The following IRAK1BP1 variants were observed in gnomAD, a reference collection of about 807,000 sequenced individuals.
IRAK1BP1 encodes the protein interleukin 1 receptor associated kinase 1 binding protein 1.
A neutral mutation model predicts 28.0 loss-of-function variants in IRAK1BP1; 24 were observed. That is an observed-to-expected ratio of 0.86 (90% CI 0.62 to 1.20). The LOEUF (loss-of-function observed/expected upper bound fraction) is 1.20, where lower values mean the gene tolerates loss of function less well. Among genes scored for constraint, IRAK1BP1 ranks in the 50% most tolerant of loss-of-function variants. The pLI, the probability that IRAK1BP1 is intolerant of heterozygous loss-of-function variation, is 0.00. For missense variants in IRAK1BP1, 336 were observed against 316.7 expected (o/e 1.06, Z -0.46); for synonymous variants, 131 against 116.3 (o/e 1.13, Z -0.81).
intron 2 of IRAK1BP1, among the ~76,000 whole-genome samples, chr6:78,891,477 T>C (rs984743522): frequency 1.5e-4 from 23 of 151,912 alleles, no homozygotes; most frequent in Non-Finnish European, 2.5e-4. Context: ...TTTTTTTTTT[T>C]TGAGACGAAG....
the IRAK1BP1 span, among the ~76,000 whole-genome samples, chr6:78,975,199 G>A: frequency 2.6e-5 from 4 of 151,786 alleles, no homozygotes; most frequent in Admixed American, 2.6e-4. Flanking sequence ...TTCATCCCTG[G>A]GATGCAAGGC....
the IRAK1BP1 span, among the ~76,000 whole-genome samples, chr6:78,952,417 CAAAAAAAAAAGAAAAAAAAAAAAGA>C: frequency 1.7e-5 from 1 of 59,886 alleles, no homozygotes. Context: ...GACTCTGTCC[CAAAAAAAAAAGAAAAAAAAAAAAGA>C]AAAAAAAAAA....
intron 4 of IRAK1BP1, among the ~76,000 whole-genome samples, chr6:78,933,280 A>T (rs1335699578): frequency 6.6e-6 from 1 of 152,218 alleles, no homozygotes; most frequent in Non-Finnish European, 1.5e-5. Context: ...CTTCTTCATC[A>T]GCACCCCCTT....
chr6:78,895,260 AGAAATT>A (rs1282735078), intron 2 of IRAK1BP1, among the ~76,000 whole-genome samples: 7 of 152,346 alleles, frequency 4.6e-5, no homozygotes, highest in African/African-American at 1.4e-4. Flanking sequence ...GTGTCAAAGA[AGAAATT>A]GAAAAGGAAA....
intron 4 of IRAK1BP1, among the ~76,000 whole-genome samples, chr6:78,930,050 T>C (rs1250577000): frequency 6.6e-6 from 1 of 152,088 alleles, no homozygotes; most frequent in African/African-American, 2.4e-5. Flanking sequence ...ATTCCTCCTA[T>C]GTGAGCCTCC....
Position 78,898,173 on chromosome 6 carries a change from A to G in IRAK1BP1, c.622A>G (p.Thr208Ala). 6.2e-7 allele frequency: 1 copy of G among 1,613,866 alleles called. No individual in the cohort carries two copies. Among genetic ancestry groups the G allele is most frequent in the Non-Finnish European group, 8.5e-7 (1 of 1,179,942 alleles). ...ACCTTTACTAATCAAAGAAGAAGAA[A>G]CAAAAGAATGGGAAGGCCAAATAGA... Reference protein sequence around the residue: ...GKPLLIKEEETKEWEGQIDDH... With the variant: ...GKPLLIKEEEAKEWEGQIDDH... The change falls in exon 4 of 4, where the codon ACA (threonine) becomes GCA (alanine). Residue 208 changes from threonine to alanine, a missense_variant. Coordinates refer to ENST00000369940, the MANE Select transcript of IRAK1BP1 (RefSeq NM_001010844.4).
At chr6:78,933,570 G>A (rs952043231) in intron 4 of IRAK1BP1, among the ~76,000 whole-genome samples, 8 of 151,948 alleles carry the variant, frequency 5.3e-5, no homozygotes, top group Non-Finnish European at 1.2e-4. Flanking sequence ...AGCTGAGATC[G>A]CACTTTTGCA....
chr6:78,875,145 C>T (rs901296008), intron 1 of IRAK1BP1, among the ~76,000 whole-genome samples: 2 of 152,124 alleles, frequency 1.3e-5, no homozygotes, highest in African/African-American at 2.4e-5. Context: ...TCAGCATCAC[C>T]AGTCATTGGA....
chr6:78,928,449 G>A (rs940060225), intron 4 of IRAK1BP1, among the ~76,000 whole-genome samples: 1 of 152,032 alleles, frequency 6.6e-6, no homozygotes, highest in Non-Finnish European at 1.5e-5. Context: ...CCAAATATAA[G>A]ATGATATCGT....
chr6:78,912,069 A>G (rs1362412959), intron 4 of IRAK1BP1, among the ~76,000 whole-genome samples: 1 of 152,240 alleles, frequency 6.6e-6, no homozygotes, highest in East Asian at 1.9e-4. Context: ...AAAGAGATCC[A>G]GAAAATTGAC....
the IRAK1BP1 span, among the ~76,000 whole-genome samples, chr6:78,972,819 G>C: frequency 6.6e-5 from 10 of 152,238 alleles, no homozygotes; most frequent in African/African-American, 2.4e-4. Flanking sequence ...GAGAAGGGAA[G>C]TTTAGAGAAA....
chr6:78,873,251 T>G (rs191417298), intron 1 of IRAK1BP1, among the ~76,000 whole-genome samples: 560 of 41,304 alleles, frequency 0.014, 3 homozygotes, highest in African/African-American at 0.048. Context: ...TGAAACTCTG[T>G]CTCAAAAAAA....
At chr6:78,974,271 T>C in the IRAK1BP1 span, among the ~76,000 whole-genome samples, 1 of 152,030 alleles carries the variant, frequency 6.6e-6, no homozygotes, top group Non-Finnish European at 1.5e-5. Context: ...TGCTCCTGAA[T>C]GACTACTGGG....
the IRAK1BP1 span, among the ~76,000 whole-genome samples, chr6:78,972,189 G>T: frequency 6.6e-6 from 1 of 152,078 alleles, no homozygotes; most frequent in African/African-American, 2.4e-5. Flanking sequence ...ATGAGAACGG[G>T]CAGACTGCCT....
chr6:78,890,079 AC>A (rs1771583896), intron 2 of IRAK1BP1, among the ~76,000 whole-genome samples: 1 of 152,194 alleles, frequency 6.6e-6, no homozygotes, highest in South Asian at 2.1e-4. Flanking sequence ...ACCATGGAAT[AC>A]TATGCAGCCA....
chr6:78,897,805 A>G (rs759857894), intron 2 of IRAK1BP1, 24 bp from the exon 3 acceptor site: 39 of 1,602,230 alleles, frequency 2.4e-5, no homozygotes, highest in Non-Finnish European at 5.1e-6. Context: ...ACATGAAAAT[A>G]ATATCGTGTC....
Position 78,908,997 on chromosome 6 carries a change from T to C in IRAK1BP1, c.*67+5887T>C, listed in dbSNP as rs116426400. 3.9e-3 allele frequency among the ~76,000 whole-genome samples: 587 copies of C among 152,310 alleles called. 5 individuals are homozygous for C. The Middle Eastern group carries it at 0.041, about 11-fold the overall frequency. Reference sequence around the variant, plus strand: ...TCAGCCAGCCTTTGGCATTAGAACGTTGATCAGAAACTGTGAGGAGTAATA... The same window carrying C: ...TCAGCCAGCCTTTGGCATTAGAACGCTGATCAGAAACTGTGAGGAGTAATA... On this transcript the variant is annotated intron_variant and NMD_transcript_variant, in intron 4 of 4. Transcript: ENST00000606868.
chr6:78,933,209 T>C (rs1773119481), intron 4 of IRAK1BP1, among the ~76,000 whole-genome samples: 1 of 152,240 alleles, frequency 6.6e-6, no homozygotes, highest in Admixed American at 6.5e-5. Flanking sequence ...ATGTTTCATC[T>C]GCGTTGAAAA....
At chr6:78,942,254 G>T (rs1449002086) in intron 4 of IRAK1BP1, among the ~76,000 whole-genome samples, 1 of 152,184 alleles carries the variant, frequency 6.6e-6, no homozygotes, top group African/African-American at 2.4e-5. Context: ...AGGCCAAAGT[G>T]GGCGGATCAC....
Sources: allele counts gnomAD v4.1 joint callset (sites outside exome capture counted in the v4.1 genomes callset), GRCh38; gene constraint gnomAD v4.1.1; transcripts MANE v1.5; gene names NCBI Gene and HGNC (gene_info 2026-07-23, HGNC 2026-07-21).